Variants in SCN11A observed in about 807,000 individuals in gnomAD.
The protein encoded by SCN11A is sodium voltage-gated channel alpha subunit 11, also known as sodium channel protein type 11 subunit alpha.
In SCN11A, 122 loss-of-function variants were observed where a neutral mutation model predicts 162.2. The observed-to-expected ratio is 0.75, with a 90% CI of 0.65 to 0.87. The LOEUF is 0.87. Among genes scored for constraint, SCN11A ranks in the 40% least tolerant of loss-of-function variants. The pLI, the probability that SCN11A is intolerant of heterozygous loss-of-function variation, is 0.00. For synonymous variants in SCN11A, 758 were observed against 751.5 expected (o/e 1.01, Z -0.14); for missense variants, 2,015 against 2,181.6 (o/e 0.92, Z 1.52).
intron 1 of SCN11A, among the ~76,000 whole-genome samples, chr3:39,047,536 T>C (rs2032214040): frequency 6.6e-6 from 1 of 151,754 alleles, no homozygotes; most frequent in African/African-American, 2.4e-5. Flanking sequence ...TTGGATTACA[T>C]CAAACTAAAA....
chr3:38,912,391 C>T (rs76273226), intron 11 of SCN11A, among the ~76,000 whole-genome samples: 3,889 of 152,214 alleles, frequency 0.026, 164 homozygotes, highest in African/African-American at 0.087. Flanking sequence ...GCACTTCCCG[C>T]CACTCTCTTA....
intron 19 of SCN11A, among the ~76,000 whole-genome samples, chr3:38,891,913 C>T (rs1266846165): frequency 6.6e-6 from 1 of 152,140 alleles, no homozygotes; most frequent in Non-Finnish European, 1.5e-5. Flanking sequence ...AATCCTAGCA[C>T]TCCACATCTA....
At chr3:39,031,530 AAAAC>A (rs1384744322) in intron 2 of SCN11A, among the ~76,000 whole-genome samples, 2 of 151,652 alleles carry the variant, frequency 1.3e-5, no homozygotes, top group South Asian at 4.2e-4. Flanking sequence ...TGTCAAACAA[AAAAC>A]AAACAAACAA....
intron 2 of SCN11A, among the ~76,000 whole-genome samples, chr3:39,026,851 A>G (rs2031601278): frequency 6.6e-6 from 1 of 152,196 alleles, no homozygotes; most frequent in South Asian, 2.1e-4. Flanking sequence ...TTCTAGTGAC[A>G]CTAACTCAGC....
intron 16 of SCN11A, among the ~76,000 whole-genome samples, chr3:38,902,289 C>A (rs2065714223): frequency 6.6e-6 from 1 of 152,190 alleles, no homozygotes; most frequent in African/African-American, 2.4e-5. Flanking sequence ...TGATCTGTTA[C>A]AAGCAACTAT....
chr3:38,938,550 A>ATTTT (rs71085342), intron 7 of SCN11A, among the ~76,000 whole-genome samples: 2 of 14,526 alleles, frequency 1.4e-4, no homozygotes, highest in African/African-American at 2.4e-4. Context: ...ATATATATAT[A>ATTTT]TTTTTTTTTT....
rs555397040 is a variant in SCN11A at position 38,965,334 on chromosome 3, T to A, written c.-279-4911A>T. Among the ~76,000 whole-genome samples, 13 of 152,338 alleles carry A rather than the reference T, an allele frequency of 8.5e-5. No homozygotes were observed. In the South Asian group the frequency reaches 2.7e-3, roughly 32 times the overall value. On this transcript the variant is annotated intron_variant, in intron 2 of 29. Transcript: ENST00000302328. ...AGACCCAGCCCTGGCTCCTCAATCT[T>A]GTATGTCTGGTCCTGGGAAGGAGGC...
chr3:38,924,214 A>C (rs1187580490), intron 9 of SCN11A, among the ~76,000 whole-genome samples: 14 of 146,492 alleles, frequency 9.6e-5, no homozygotes, highest in Non-Finnish European at 1.3e-4. Context: ...TGCCTACAAG[A>C]CTCCCCTTCA....
At chr3:38,881,428 A>G (rs1175423591) in intron 22 of SCN11A, among the ~76,000 whole-genome samples, 1 of 152,180 alleles carries the variant, frequency 6.6e-6, no homozygotes, top group Non-Finnish European at 1.5e-5. Context: ...TTATTTGGGA[A>G]GCTTACCAGT....
chr3:39,046,188 A>G (rs1181849458), intron 1 of SCN11A, among the ~76,000 whole-genome samples: 1 of 151,722 alleles, frequency 6.6e-6, no homozygotes, highest in Non-Finnish European at 1.5e-5. Flanking sequence ...TGAATCTGGG[A>G]GGTGGAGGTT....
At chr3:38,893,052 A>G (rs1237762274) in intron 19 of SCN11A, among the ~76,000 whole-genome samples, 1 of 152,158 alleles carries the variant, frequency 6.6e-6, no homozygotes, top group Non-Finnish European at 1.5e-5. Context: ...AACCAATCCA[A>G]TCAGAAGGCA....
intron 7 of SCN11A, among the ~76,000 whole-genome samples, chr3:38,935,454 G>C (rs1284961449): frequency 1.3e-5 from 2 of 151,972 alleles, no homozygotes; most frequent in Non-Finnish European, 2.9e-5. Context: ...TTTTTGAAAG[G>C]ATCAACAAAA....
At chr3:38,973,391 A>G (rs757111606) in intron 2 of SCN11A, among the ~76,000 whole-genome samples, 2 of 148,950 alleles carry the variant, frequency 1.3e-5, no homozygotes, top group Non-Finnish European at 3.0e-5. Context: ...CACCACATAA[A>G]TGGTGTTGAG....
rs551641393 is a variant in SCN11A, at chr3:38,929,830, T to C, written c.489-2899A>G. 2.6e-5 allele frequency among the ~76,000 whole-genome samples: 4 copies of C among 152,230 alleles called. No homozygotes were observed. In the South Asian group the frequency reaches 8.3e-4, roughly 32 times the overall value. On this transcript the variant is annotated intron_variant, in intron 7 of 29. Coordinates refer to ENST00000302328, the MANE Select transcript of SCN11A (RefSeq NM_001349253.2). ...TTACCCTTGCTCTCTCATGTGCACA[T>C]TTTTGCCCTTCTGCCTTCTGCCATG...
intron 16 of SCN11A, among the ~76,000 whole-genome samples, chr3:38,902,226 T>C (rs1350628339): frequency 6.6e-6 from 1 of 152,162 alleles, no homozygotes; most frequent in East Asian, 1.9e-4. Context: ...CAATTTCAGC[T>C]CATTTCTGAG....
chr3:38,865,697 T>C (rs2065028935), intron 27 of SCN11A, among the ~76,000 whole-genome samples: 1 of 152,040 alleles, frequency 6.6e-6, no homozygotes, highest in South Asian at 2.1e-4. Flanking sequence ...TACAAAAATA[T>C]AAGATGCATG....
At chr3:38,973,330 C>G (rs2066828676) in intron 2 of SCN11A, among the ~76,000 whole-genome samples, 2 of 151,992 alleles carry the variant, frequency 1.3e-5, no homozygotes, top group South Asian at 4.2e-4. Context: ...TTTCACAAGT[C>G]TGTTAATTAG....
Position 38,879,981 on chromosome 3 carries a change from G to A in SCN11A, c.3362C>T (p.Ala1121Val). The A allele has an allele frequency of 6.2e-7, 1 of 1,612,604 alleles. No individual in the cohort carries two copies. Residue 1121 changes from alanine to valine, a missense_variant, in exon 23 of 30, where the codon GCC becomes GTC. Transcript: ENST00000302328. Reference sequence around the variant, plus strand: ...AATGATGAAATCAAGGCAGCACCAGGCACTGGTGAAATACTTTCCAAATCC... The same window carrying A: ...AATGATGAAATCAAGGCAGCACCAGACACTGGTGAAATACTTTCCAAATCC... Reference protein sequence around the residue: ...AFGFGKYFTSAWCCLDFIIVI... With the variant: ...AFGFGKYFTSVWCCLDFIIVI...
intron 27 of SCN11A, among the ~76,000 whole-genome samples, chr3:38,864,490 G>A (rs549619534): frequency 4.7e-4 from 72 of 152,190 alleles, no homozygotes; most frequent in Admixed American, 1.0e-3. Context: ...TATCATCTTT[G>A]CCTTTGAGAA....
Sources: allele counts gnomAD v4.1 joint callset (sites outside exome capture counted in the v4.1 genomes callset), GRCh38; gene constraint gnomAD v4.1.1; transcripts MANE v1.5; gene names NCBI Gene and HGNC (gene_info 2026-07-23, HGNC 2026-07-21).